Variants in ANK2 observed in about 807,000 individuals in gnomAD.
ANK2 encodes the protein ankyrin-2.
A neutral mutation model predicts 360.5 loss-of-function variants in ANK2; 83 were observed. The ratio of observed to expected loss-of-function variants is 0.23; its 90% confidence interval spans 0.19 to 0.28. The LOEUF is 0.28. ANK2 is among the 10% of genes least tolerant of loss of function. The probability of loss-of-function intolerance (pLI) is 1.00; values close to 1 mark genes in which losing one functional copy is unlikely to be tolerated. For synonymous variants in ANK2, 1,740 were observed against 1,759.5 expected (o/e 0.99, Z 0.28); for missense variants, 4,201 against 4,795.7 (o/e 0.88, Z 3.66).
chr4:112,953,952 C>T (rs918735081), intron 2 of ANK2, among the ~76,000 whole-genome samples: 1 of 151,768 alleles, frequency 6.6e-6, no homozygotes, highest in African/African-American at 2.4e-5. Flanking sequence ...CCCCCGCCCC[C>T]GTCTTTCTTT....
intron 4 of ANK2, among the ~76,000 whole-genome samples, chr4:113,222,012 C>T (rs921883459): frequency 3.9e-5 from 6 of 152,258 alleles, no homozygotes; most frequent in Middle Eastern, 3.4e-3. Context: ...AACATGGGTT[C>T]GAATCCCAGC....
At chr4:112,732,927 A>G in the ANK2 span, among the ~76,000 whole-genome samples, 4 of 151,254 alleles carry the variant, frequency 2.6e-5, no homozygotes, top group Non-Finnish European at 1.5e-5. Flanking sequence ...TAAAAATACA[A>G]AAAAAAAGGG....
At chr4:113,131,670 G>A (rs1432887110) in intron 1 of ANK2, among the ~76,000 whole-genome samples, 1 of 152,198 alleles carries the variant, frequency 6.6e-6, no homozygotes, top group Non-Finnish European at 1.5e-5. Context: ...ACACTCCTAA[G>A]TGGAGACAAA....
At chr4:112,758,391 A>G in the ANK2 span, among the ~76,000 whole-genome samples, 3 of 152,034 alleles carry the variant, frequency 2.0e-5, no homozygotes, top group Non-Finnish European at 4.4e-5. Flanking sequence ...TCTCTTATCA[A>G]TCAGGAAATG....
At chr4:112,873,821 C>T (rs1419988117) in intron 1 of ANK2, among the ~76,000 whole-genome samples, 1 of 151,760 alleles carries the variant, frequency 6.6e-6, no homozygotes, top group African/African-American at 2.4e-5. Flanking sequence ...GGATTACAGG[C>T]GTGAGCCACC....
chr4:113,171,566 G>A (rs758967851), intron 1 of ANK2, among the ~76,000 whole-genome samples: 17 of 152,102 alleles, frequency 1.1e-4, no homozygotes, highest in Non-Finnish European at 2.4e-4. Flanking sequence ...GGTTCTAGAA[G>A]AATTCAACTT....
chr4:113,149,010 T>G (rs2096937146), intron 1 of ANK2: 2 of 152,244 alleles, frequency 1.3e-5, no homozygotes, highest in Non-Finnish European at 2.9e-5. Context: ...TAGAACTTCA[T>G]TTATGCTTTG....
rs773812335 is a variant in ANK2, at chr4:113,356,091, A to G, written c.7473A>G (p.Ala2491=). 6.2e-7 allele frequency: 1 copy of G among 1,614,134 alleles called. No individual in the cohort carries two copies. Among genetic ancestry groups the G allele is most frequent in the Non-Finnish European group, 8.5e-7 (1 of 1,180,010 alleles). The change falls in exon 38 of 46, where the codon GCA becomes GCG. Residue 2491 remains alanine (A), a synonymous_variant. Coordinates refer to ENST00000357077, the MANE Select transcript of ANK2 (RefSeq NM_001148.6). ...TTCCAAGTCACTTTCCTCTTCCTGC[A>G]GCTGTTGCCAAAACAGAACTCTTGA... is the stretch of plus-strand genomic sequence containing the variant. ...GIFPSHFPLP[A]AVAKTELLTE...
chr4:113,147,980 T>G (rs1308786333), intron 1 of ANK2, among the ~76,000 whole-genome samples: 1 of 152,198 alleles, frequency 6.6e-6, no homozygotes, highest in African/African-American at 2.4e-5. Flanking sequence ...TGTTCATGTA[T>G]GCAGATGACT....
At chr4:113,076,345 AT>A (rs2079967763) in intron 1 of ANK2, among the ~76,000 whole-genome samples, 1 of 152,220 alleles carries the variant, frequency 6.6e-6, no homozygotes, top group Non-Finnish European at 1.5e-5. Flanking sequence ...ATTCTTAGGA[AT>A]TTACTATTTT....
At chr4:112,837,310 C>T (rs556450384) in intron 1 of ANK2, among the ~76,000 whole-genome samples, 9 of 152,380 alleles carry the variant, frequency 5.9e-5, no homozygotes, top group African/African-American at 2.2e-4. Flanking sequence ...GTATGGGAAG[C>T]TCTGCCTAGA....
At chr4:112,881,984 C>T in intron 1 of ANK2, 1 of 583,582 alleles carries the variant, frequency 1.7e-6, no homozygotes, top group Admixed American at 2.2e-5. Context: ...AACCCAGAGC[C>T]CCCGGAGTGC....
chr4:113,064,596 A>G (rs1157360359), intron 1 of ANK2, among the ~76,000 whole-genome samples: 2 of 152,166 alleles, frequency 1.3e-5, no homozygotes, highest in Non-Finnish European at 2.9e-5. Flanking sequence ...CTTTGTGAAA[A>G]AGTACCAACC....
rs192090401 is a variant in ANK2 at position 112,862,082 on chromosome 4, G to T, written c.-39-42373G>T. On this transcript the variant is annotated intron_variant, in intron 1 of 30. Coordinates refer to the ANK2 transcript ENST00000503271. ...TCTTCTACAAATTGTGAAGATAGTAGTACCTCTAGGGTGGTTGTGAAAATG... is the reference window on the plus strand; with the variant it reads ...TCTTCTACAAATTGTGAAGATAGTATTACCTCTAGGGTGGTTGTGAAAATG... Among the ~76,000 whole-genome samples, 97 of 152,272 alleles carry T rather than the reference G, an allele frequency of 6.4e-4. 1 individual carries two copies. The highest frequency in any genetic ancestry group is 2.2e-3 in the African/African-American group (92 of 41,558).
intron 2 of ANK2, among the ~76,000 whole-genome samples, chr4:112,990,496 T>C (rs2046383807): frequency 6.6e-6 from 1 of 152,120 alleles, no homozygotes; most frequent in East Asian, 1.9e-4. Flanking sequence ...GTTTTTTTTT[T>C]ATACCTGTCT....
rs771713785 is a variant in ANK2 at position 113,354,622 on chromosome 4, G to A, written c.6004G>A (p.Asp2002Asn). Residue 2002 changes from aspartate (D) to asparagine (N), a missense_variant, in exon 38 of 46, where the codon GAC becomes AAC. Coordinates refer to ENST00000357077, the MANE Select transcript of ANK2 (RefSeq NM_001148.6). ...GATGAAGGCTTTCCAGTCAGGTCAG[G>A]ACCCTTCTAAACATAAAACTGGACT... ...ELMKAFQSGQDPSKHKTGLFE... is the reference protein window; with the variant it reads ...ELMKAFQSGQNPSKHKTGLFE... 3.1e-6 allele frequency: 5 copies of A among 1,614,036 alleles called. No homozygotes were observed. Among genetic ancestry groups the A allele is most frequent in the Non-Finnish European group, 3.4e-6 (4 of 1,179,982 alleles).
chr4:113,179,566 A>T (rs1370448386), intron 2 of ANK2, among the ~76,000 whole-genome samples: 3 of 152,146 alleles, frequency 2.0e-5, no homozygotes, highest in African/African-American at 7.2e-5. Flanking sequence ...TTTTTAAATG[A>T]TTACTAATAT....
At position 113,358,305 on chromosome 4, in the gene ANK2, A is replaced by G; in HGVS notation, c.9687A>G (p.Gln3229=). The G allele has an allele frequency of 6.2e-7, 1 of 1,613,484 alleles. No homozygotes were observed. The highest frequency in any genetic ancestry group is 8.5e-7 in the Non-Finnish European group (1 of 1,179,554). Residue 3229 remains glutamine, a synonymous_variant, in exon 38 of 46, where the codon CAA becomes CAG. Transcript: ENST00000357077. ...SVGTKDLPTV[Q]TGDIPPLSGV... is the part of the protein sequence containing the mutation. ...GGACCAAGGACCTCCCCACCGTGCA[A>G]ACGGGTGATATACCTCCTCTCTCTG...
At chr4:112,821,936 T>G (rs1186213710) in intron 1 of ANK2, among the ~76,000 whole-genome samples, 3 of 151,908 alleles carry the variant, frequency 2.0e-5, no homozygotes, top group Non-Finnish European at 2.9e-5. Context: ...CCCAGCTAAC[T>G]TTTGTATTTT....
Sources: gnomAD v4.1 joint callset for allele counts (sites outside exome capture counted in the v4.1 genomes callset) on GRCh38, gnomAD v4.1.1 for gene constraint, MANE v1.5 for transcripts, NCBI Gene and HGNC (gene_info 2026-07-23, HGNC 2026-07-21) for gene names.